The following ANKRD45 variants were observed in gnomAD, a reference collection of about 807,000 sequenced individuals.
The protein encoded by ANKRD45 is ankyrin repeat domain-containing protein 45.
In ANKRD45, 21 loss-of-function variants were observed where a neutral mutation model predicts 28.1. The ratio of observed to expected loss-of-function variants is 0.75; its 90% CI spans 0.53 to 1.08. ANKRD45 has a LOEUF of 1.08. Among genes scored for constraint, ANKRD45 ranks in the 50% least tolerant of loss-of-function variants. The probability of loss-of-function intolerance (pLI) is 0.00; values close to 1 mark genes in which losing one functional copy is unlikely to be tolerated. For missense variants in ANKRD45, 261 were observed against 308.7 expected (o/e 0.85, Z 1.16); for synonymous variants, 86 against 103.9 (o/e 0.83, Z 1.05).
intron 2 of ANKRD45, among the ~76,000 whole-genome samples, chr1:173,653,037 C>CA (rs199866030): frequency 0.013 from 1,949 of 151,834 alleles, 37 homozygotes; most frequent in African/African-American, 0.044. Flanking sequence ...TGGATCTTTG[C>CA]AAAAAAACAA....
the ANKRD45 span, among the ~76,000 whole-genome samples, chr1:173,679,296 A>G: frequency 6.6e-6 from 1 of 152,210 alleles, no homozygotes; most frequent in African/African-American, 2.4e-5. Context: ...ACTTCAAACT[A>G]TACTACAAGG....
chr1:173,701,100 A>T, the ANKRD45 span, among the ~76,000 whole-genome samples: 1 of 152,278 alleles, frequency 6.6e-6, no homozygotes. Context: ...AGAGAAATGC[A>T]AATCAAACCC....
intron 3 of ANKRD45, among the ~76,000 whole-genome samples, chr1:173,643,089 T>C (rs969478811): frequency 2.6e-5 from 4 of 152,148 alleles, no homozygotes; most frequent in African/African-American, 9.7e-5. Context: ...TGTGTTAGAT[T>C]ATATATAGAA....
At chr1:173,664,044 C>G (rs1322071096) in intron 1 of ANKRD45, among the ~76,000 whole-genome samples, 1 of 152,108 alleles carries the variant, frequency 6.6e-6, no homozygotes, top group East Asian at 1.9e-4. Context: ...ACCTACTAAA[C>G]TGACTGTATG....
the ANKRD45 span, among the ~76,000 whole-genome samples, chr1:173,709,749 A>T: frequency 6.6e-6 from 1 of 151,878 alleles, no homozygotes; most frequent in Non-Finnish European, 1.5e-5. Flanking sequence ...CTCCCACCTC[A>T]GCCTCCCCAG....
At chr1:173,697,022 A>G in the ANKRD45 span, among the ~76,000 whole-genome samples, 1 of 152,238 alleles carries the variant, frequency 6.6e-6, no homozygotes, top group Non-Finnish European at 1.5e-5. Context: ...TGATGCATGC[A>G]TAAGCTTCAG....
At chr1:173,648,392 C>T (rs995393835) in intron 2 of ANKRD45, among the ~76,000 whole-genome samples, 2 of 152,154 alleles carry the variant, frequency 1.3e-5, no homozygotes, top group African/African-American at 2.4e-5. Flanking sequence ...CTTTTTGATC[C>T]AACATGTCAA....
chr1:173,639,236 C>T (rs908418225), intron 3 of ANKRD45, among the ~76,000 whole-genome samples: 7 of 152,146 alleles, frequency 4.6e-5, no homozygotes, highest in Admixed American at 1.3e-4. Context: ...ACTAATTTTT[C>T]GTGTCCTAGA....
chr1:173,669,261 C>A (rs1030980268), intron 1 of ANKRD45, among the ~76,000 whole-genome samples: 2 of 151,938 alleles, frequency 1.3e-5, no homozygotes, highest in Non-Finnish European at 2.9e-5. Flanking sequence ...GAGTAGGAGT[C>A]TTAAAAGGAG....
intron 2 of ANKRD45, chr1:173,658,115 G>T (rs1450872876): frequency 6.5e-6 from 1 of 153,182 alleles, no homozygotes; most frequent in Non-Finnish European, 1.5e-5. Context: ...TGGAGGTCAG[G>T]AGATCGAGAC....
In ANKRD45 at chr1:173,608,965, AGAAGGG is replaced by A. The variant is rs1667036620; in HGVS notation, c.*1174_*1179del. ...GAAGGGAGAGGAAGGGAGAGGAAGG[AGAAGGG>A]GAAGGGAAGGGAAAAGGGAGAAGGG... On this transcript the variant is annotated 3_prime_UTR_variant, in exon 6 of 6. Transcript: ENST00000333279. Among the ~76,000 whole-genome samples, 3 of 107,924 alleles carry A rather than the reference AGAAGGG, an allele frequency of 2.8e-5. No individual in the cohort carries two copies. Among genetic ancestry groups the A allele is most frequent in the African/African-American group, 4.4e-5 (1 of 22,524 alleles). 70.8% of individuals were successfully genotyped at this position (107,924 alleles called of 152,430 possible).
chr1:173,698,538 T>C, the ANKRD45 span, among the ~76,000 whole-genome samples: 1 of 152,116 alleles, frequency 6.6e-6, no homozygotes, highest in Non-Finnish European at 1.5e-5. Context: ...CACAACTACA[T>C]GGAAACTGAA....
chr1:173,667,199 TA>T (rs1293160821), intron 1 of ANKRD45, among the ~76,000 whole-genome samples: 1 of 152,236 alleles, frequency 6.6e-6, no homozygotes, highest in African/African-American at 2.4e-5. Context: ...CTGGTATAAC[TA>T]AATGAAGCAA....
chr1:173,643,171 AT>A (rs370267609), intron 3 of ANKRD45, among the ~76,000 whole-genome samples: 10,678 of 132,274 alleles, frequency 0.081, 713 homozygotes, highest in African/African-American at 0.28. Flanking sequence ...TTGCCTGAGA[AT>A]TTTTTTTTTT....
At chr1:173,702,052 G>GT in the ANKRD45 span, among the ~76,000 whole-genome samples, 2 of 152,116 alleles carry the variant, frequency 1.3e-5, no homozygotes, top group African/African-American at 2.4e-5. Flanking sequence ...TGGTGAACAC[G>GT]TAAGTGTTTG....
intron 2 of ANKRD45, among the ~76,000 whole-genome samples, chr1:173,655,103 C>G (rs1456590820): frequency 6.6e-6 from 1 of 152,188 alleles, no homozygotes; most frequent in East Asian, 1.9e-4. Flanking sequence ...CTTCTGTCAA[C>G]TCATCAAAGT....
rs193154918 is a variant in ANKRD45 at position 173,612,004 on chromosome 1, G to A, written c.731-1789C>T. Among the ~76,000 whole-genome samples the A allele has an allele frequency of 4.9e-3, 745 of 152,282 alleles. 9 individuals carry two copies. The highest frequency in any genetic ancestry group is 0.011 in the Admixed American group (169 of 15,300). On this transcript the variant is annotated intron_variant, in intron 5 of 5. Coordinates refer to ENST00000333279, the MANE Select transcript of ANKRD45 (RefSeq NM_198493.3). Reference sequence around the variant, plus strand: ...CACACCTGTAATTCCAGCACTTTGGGAGGCCGAGGCAAGTAGATCACTTGA... The same window carrying A: ...CACACCTGTAATTCCAGCACTTTGGAAGGCCGAGGCAAGTAGATCACTTGA...
At position 173,651,861 on chromosome 1, in the gene ANKRD45, T is replaced by C. The variant is rs1363426682; in HGVS notation, c.329-4848A>G. ...TATTTTATTCTCTTTGTAGCAATTGTGAATGGGAGTTCATTCATGATTTGG... is the reference window on the plus strand; with the variant it reads ...TATTTTATTCTCTTTGTAGCAATTGCGAATGGGAGTTCATTCATGATTTGG... On this transcript the variant is annotated intron_variant, in intron 2 of 5. Coordinates refer to ENST00000333279, the MANE Select transcript of ANKRD45 (RefSeq NM_198493.3). Among the ~76,000 whole-genome samples, 4 of 152,230 alleles carry C rather than the reference T, an allele frequency of 2.6e-5. No homozygotes were observed. The South Asian group carries it at 8.3e-4, about 31-fold the overall frequency.
At chr1:173,700,426 A>G in the ANKRD45 span, among the ~76,000 whole-genome samples, 7 of 152,232 alleles carry the variant, frequency 4.6e-5, no homozygotes, top group Non-Finnish European at 8.8e-5. Context: ...AAACTATTCT[A>G]CAAGGCTACA....
Sources: gnomAD v4.1 joint callset for allele counts (sites outside exome capture counted in the v4.1 genomes callset) on GRCh38, gnomAD v4.1.1 for gene constraint, MANE v1.5 for transcripts, NCBI Gene and HGNC (gene_info 2026-07-23, HGNC 2026-07-21) for gene names.